Variants in LRP1B observed in about 807,000 individuals in gnomAD.
LRP1B encodes the protein low-density lipoprotein receptor-related protein 1B.
A neutral mutation model predicts 556.6 loss-of-function variants in LRP1B; 217 were observed. That is an observed-to-expected ratio of 0.39 (90% confidence interval 0.35 to 0.44). The LOEUF is 0.44. Among genes scored for constraint, LRP1B ranks in the 20% least tolerant of loss-of-function variants. The pLI is 1.00. For missense variants in LRP1B, 5,053 were observed against 5,620.8 expected, an observed-to-expected ratio of 0.90 and a Z score of 3.23; for synonymous variants, 2,047 against 1,865.8, an observed-to-expected ratio of 1.10 and a Z score of -2.50.
intron 41 of LRP1B, among the ~76,000 whole-genome samples, chr2:140,640,401 T>TTC (rs1684247097): frequency 1.2e-5 from 1 of 81,182 alleles, no homozygotes; most frequent in South Asian, 5.0e-4. Context: ...TTTTTTTTTT[T>TTC]TTTTTTTTTT....
intron 1 of LRP1B, among the ~76,000 whole-genome samples, chr2:142,031,330 A>ATCTTTTTTTTTTTTTTTT (rs1553506158): frequency 8.5e-6 from 1 of 117,050 alleles, no homozygotes; most frequent in African/African-American, 2.9e-5. Flanking sequence ...GATTATACTT[A>ATCTTTTTTTTTTTTTTTT]TTTTTTTTTT....
chr2:141,252,470 C>CT (rs773385072), intron 4 of LRP1B, among the ~76,000 whole-genome samples: 3 of 152,124 alleles, frequency 2.0e-5, no homozygotes, highest in Non-Finnish European at 4.4e-5. Context: ...GAAGTAAATG[C>CT]TTTTGGTGAT....
chr2:141,118,805 T>C (rs1700970443), intron 7 of LRP1B, among the ~76,000 whole-genome samples: 2 of 151,858 alleles, frequency 1.3e-5, no homozygotes, highest in Non-Finnish European at 2.9e-5. Flanking sequence ...TATAAAGGAA[T>C]TTATAAAGAT....
chr2:140,764,057 T>G (rs1232099542), intron 35 of LRP1B, among the ~76,000 whole-genome samples: 1 of 152,172 alleles, frequency 6.6e-6, no homozygotes, highest in Non-Finnish European at 1.5e-5. Context: ...TTGCTGCTAC[T>G]GACATATAAA....
chr2:141,530,425 T>C (rs1028712809), intron 2 of LRP1B, among the ~76,000 whole-genome samples: 2 of 152,236 alleles, frequency 1.3e-5, no homozygotes, highest in African/African-American at 4.8e-5. Flanking sequence ...CCCTGGGTAA[T>C]AGTCTTGTCA....
chr2:140,321,992 T>G lies in LRP1B; in HGVS notation c.12611A>C (p.Asn4204Thr). The G allele has an allele frequency of 6.2e-7, 1 of 1,613,096 alleles. No homozygotes were observed. ...CVCPEGKYLI[N>T]GTCNDDSLLD... Reference sequence around the variant, plus strand: ...CAGGCTGTCATCATTGCAGGTGCCATTAATCAAATATTTTCCTTCTGGACA... The same window carrying G: ...CAGGCTGTCATCATTGCAGGTGCCAGTAATCAAATATTTTCCTTCTGGACA... Residue 4204 changes from asparagine (N) to threonine (T), a missense_variant, in exon 82 of 91, where the codon AAT (asparagine) becomes ACT (threonine). Coordinates refer to ENST00000389484, the MANE Select transcript of LRP1B (RefSeq NM_018557.3).
chr2:140,270,129 G>A, intron 86 of LRP1B, 113 bp downstream of exon 86: 1 of 713,950 alleles, frequency 1.4e-6, no homozygotes, highest in South Asian at 1.6e-5. Context: ...GATCAGAGAT[G>A]TCCATGAAAC....
intron 60 of LRP1B, among the ~76,000 whole-genome samples, chr2:140,470,898 A>T (rs982533588): frequency 2.0e-5 from 3 of 152,010 alleles, no homozygotes; most frequent in Non-Finnish European, 2.9e-5. Context: ...TTCTTTTAAG[A>T]TCTTAAAGGT....
chr2:141,398,319 C>G (rs1690319903), intron 3 of LRP1B, among the ~76,000 whole-genome samples: 2 of 151,918 alleles, frequency 1.3e-5, no homozygotes, highest in Admixed American at 1.3e-4. Context: ...TTGATGCTTA[C>G]CATGAAAAAA....
intron 45 of LRP1B, among the ~76,000 whole-genome samples, chr2:140,537,145 T>A (rs1392726168): frequency 6.7e-6 from 1 of 149,670 alleles, no homozygotes; most frequent in Non-Finnish European, 1.5e-5. Flanking sequence ...CACTCCAGCC[T>A]GGGCAACAGG....
At chr2:141,108,533 A>G (rs566929312) in intron 7 of LRP1B, among the ~76,000 whole-genome samples, 1 of 151,766 alleles carries the variant, frequency 6.6e-6, no homozygotes, top group South Asian at 2.1e-4. Context: ...TATTTTTAGT[A>G]GAGACACAGT....
intron 20 of LRP1B, among the ~76,000 whole-genome samples, chr2:140,949,948 A>G (rs1310043096): frequency 2.3e-5 from 2 of 88,198 alleles, no homozygotes; most frequent in African/African-American, 6.9e-5. Context: ...CAAAAAAAAA[A>G]AAAAAAAAAA....
chr2:141,527,268 G>A (rs1172563427), intron 2 of LRP1B, among the ~76,000 whole-genome samples: 1 of 151,722 alleles, frequency 6.6e-6, no homozygotes, highest in Non-Finnish European at 1.5e-5. Flanking sequence ...ATTCTTTTCT[G>A]GTCTTCTTAC....
At chr2:140,898,133 G>C (rs1056589598) in intron 23 of LRP1B, among the ~76,000 whole-genome samples, 2 of 152,172 alleles carry the variant, frequency 1.3e-5, no homozygotes, top group Non-Finnish European at 2.9e-5. Flanking sequence ...CAGACAGGCT[G>C]TGCTGGTTCC....
At chr2:141,641,010 G>A (rs187271254) in intron 2 of LRP1B, among the ~76,000 whole-genome samples, 1 of 152,228 alleles carries the variant, frequency 6.6e-6, no homozygotes, top group African/African-American at 2.4e-5. Flanking sequence ...TTGTTAAAAT[G>A]AAAGCTGAAG....
intron 3 of LRP1B, among the ~76,000 whole-genome samples, chr2:141,342,263 TAAATA>T (rs1688093640): frequency 3.6e-5 from 4 of 110,020 alleles, no homozygotes; most frequent in African/African-American, 1.5e-4. Context: ...AAAAATAAAA[TAAATA>T]AAAATAAAAT....
intron 41 of LRP1B, among the ~76,000 whole-genome samples, chr2:140,699,551 G>T (rs1250585979): frequency 6.6e-6 from 1 of 151,618 alleles, no homozygotes; most frequent in Non-Finnish European, 1.5e-5. Flanking sequence ...AGTGAAACTG[G>T]AAGAATGGGA....
intron 27 of LRP1B, among the ~76,000 whole-genome samples, chr2:140,866,793 A>G (rs115061922): frequency 2.2e-3 from 341 of 152,236 alleles, no homozygotes; most frequent in African/African-American, 7.8e-3. Flanking sequence ...AAAAGATACT[A>G]TAATACAAAT....
intron 3 of LRP1B, among the ~76,000 whole-genome samples, chr2:141,395,543 T>C (rs563018371): frequency 1.3e-5 from 2 of 152,158 alleles, no homozygotes; most frequent in Non-Finnish European, 2.9e-5. Context: ...AATGCATTAC[T>C]CTGAAGGTAT....
Sources: allele counts gnomAD v4.1 joint callset (sites outside exome capture counted in the v4.1 genomes callset), GRCh38; gene constraint gnomAD v4.1.1; transcripts MANE v1.5; gene names NCBI Gene and HGNC (gene_info 2026-07-23, HGNC 2026-07-21).